Variants in SLC22A9 observed in about 807,000 individuals in gnomAD.
SLC22A9 encodes organic anion transporter 7.
Under a neutral mutation model 50.1 loss-of-function variants are expected in SLC22A9, and 64 were observed. The observed-to-expected ratio is 1.28, with a 90% confidence interval of 1.04 to 1.57. The LOEUF (loss-of-function observed/expected upper bound fraction) is 1.57, where lower values mean the gene tolerates loss of function less well. Among genes scored for constraint, SLC22A9 ranks in the 40% most tolerant of loss-of-function variants. The pLI, the probability that SLC22A9 is intolerant of heterozygous loss-of-function variation, is 0.00. For missense variants in SLC22A9, 757 were observed against 676.1 expected (o/e 1.12, Z -1.33); for synonymous variants, 261 against 242.5 (o/e 1.08, Z -0.71).
chr11:63,374,152 G>A (rs1017614304), intron 4 of SLC22A9, 90 bp downstream of exon 4: 1 of 1,276,398 alleles, frequency 7.8e-7, no homozygotes, highest in African/African-American at 1.5e-5. Context: ...TTTGTTCTTT[G>A]TGTAAACCTG....
At chr11:63,394,188 T>G (rs1472897475) in intron 6 of SLC22A9, among the ~76,000 whole-genome samples, 1 of 152,198 alleles carries the variant, frequency 6.6e-6, no homozygotes, top group Non-Finnish European at 1.5e-5. Flanking sequence ...TAGTTAGCAA[T>G]TCCTCTAACC....
intron 6 of SLC22A9, among the ~76,000 whole-genome samples, chr11:63,400,640 G>A (rs1272227643): frequency 1.3e-5 from 2 of 152,044 alleles, no homozygotes; most frequent in African/African-American, 4.8e-5. Context: ...TAAAGGAGGT[G>A]GGAATACTTC....
intron 5 of SLC22A9, among the ~76,000 whole-genome samples, chr11:63,376,480 G>A (rs1414662879): frequency 2.0e-5 from 3 of 151,676 alleles, no homozygotes; most frequent in African/African-American, 4.8e-5. Flanking sequence ...TTAAAATGTG[G>A]TATGCACAAA....
At chr11:63,394,734 G>A (rs1002179218) in intron 6 of SLC22A9, among the ~76,000 whole-genome samples, 2 of 152,156 alleles carry the variant, frequency 1.3e-5, no homozygotes, top group African/African-American at 2.4e-5. Context: ...GAATTTCACA[G>A]GAGTTCTTTG....
chr11:63,379,833 G>A (rs1307773847), intron 5 of SLC22A9, among the ~76,000 whole-genome samples: 1 of 152,136 alleles, frequency 6.6e-6, no homozygotes, highest in East Asian at 1.9e-4. Flanking sequence ...CAGGGTTCAA[G>A]CGATTCTCCT....
chr11:63,399,616 A>G (rs1449754406), intron 6 of SLC22A9, among the ~76,000 whole-genome samples: 1 of 152,202 alleles, frequency 6.6e-6, no homozygotes, highest in Non-Finnish European at 1.5e-5. Context: ...TTCAACAACC[A>G]ACATTCTGCA....
At chr11:63,389,182 T>TA (rs1361026857) in intron 6 of SLC22A9, among the ~76,000 whole-genome samples, 1 of 152,126 alleles carries the variant, frequency 6.6e-6, no homozygotes, top group African/African-American at 2.4e-5. Context: ...ATTTTTTTTT[T>TA]ATTTTAAGTT....
At chr11:63,373,576 C>A in intron 2 of SLC22A9, 68 bp from the exon 3 acceptor site, 1 of 1,420,240 alleles carries the variant, frequency 7.0e-7, no homozygotes, top group Non-Finnish European at 9.3e-7. Flanking sequence ...CAAAGTGTGC[C>A]TTCTCTTTGC....
intron 6 of SLC22A9, among the ~76,000 whole-genome samples, chr11:63,401,084 A>G (rs2014944943): frequency 6.6e-6 from 1 of 152,096 alleles, no homozygotes; most frequent in Non-Finnish European, 1.5e-5. Context: ...TTCTTCTAAG[A>G]TCATGTAGAA....
intron 6 of SLC22A9, among the ~76,000 whole-genome samples, chr11:63,391,129 C>A (rs1204205744): frequency 2.6e-5 from 4 of 152,028 alleles, no homozygotes; most frequent in African/African-American, 9.7e-5. Flanking sequence ...ATATGATTTT[C>A]AAAATTCCTC....
intron 6 of SLC22A9, among the ~76,000 whole-genome samples, chr11:63,384,115 G>T (rs2119916424): frequency 6.6e-6 from 1 of 151,982 alleles, no homozygotes; most frequent in South Asian, 2.1e-4. Flanking sequence ...TATTTCAAAT[G>T]ACCAAAATAA....
chr11:63,409,670 G>C (rs1591031397), intron 9 of SLC22A9, 132 bp from the exon 10 acceptor site: 2 of 848,720 alleles, frequency 2.4e-6, no homozygotes, highest in East Asian at 5.7e-5. Flanking sequence ...AATCCCTTGG[G>C]GGCAGAGATA....
At chr11:63,399,496 G>T (rs1005793964) in intron 6 of SLC22A9, among the ~76,000 whole-genome samples, 3 of 152,058 alleles carry the variant, frequency 2.0e-5, no homozygotes, top group Non-Finnish European at 4.4e-5. Context: ...TCAGTAAGAA[G>T]ATATAAAAAC....
chr11:63,381,875 A>G (rs547079492), intron 5 of SLC22A9, among the ~76,000 whole-genome samples: 1 of 152,278 alleles, frequency 6.6e-6, no homozygotes, highest in African/African-American at 2.4e-5. Context: ...TTCGGTCCCC[A>G]TCATGGTCTG....
chr11:63,401,994 A>G (rs772484946), intron 6 of SLC22A9, among the ~76,000 whole-genome samples: 6 of 151,968 alleles, frequency 3.9e-5, no homozygotes, highest in Non-Finnish European at 5.9e-5. Flanking sequence ...TGAGTCCCAC[A>G]TAGAGTCCAA....
chr11:63,378,871 C>A (rs1308270790), intron 5 of SLC22A9, among the ~76,000 whole-genome samples: 1 of 151,892 alleles, frequency 6.6e-6, no homozygotes, highest in Non-Finnish European at 1.5e-5. Flanking sequence ...GCAGAGATGA[C>A]CACAAACAAA....
chr11:63,373,193 A>G (rs2014395962), intron 2 of SLC22A9, among the ~76,000 whole-genome samples: 1 of 130,760 alleles, frequency 7.6e-6, no homozygotes, highest in African/African-American at 3.0e-5. Flanking sequence ...TGTTCTATGG[A>G]TGTTCCTTTC....
At chr11:63,408,546 T>C (rs1309225877) in intron 8 of SLC22A9, 130 bp from the exon 9 acceptor site, 1 of 830,686 alleles carries the variant, frequency 1.2e-6, no homozygotes, top group African/African-American at 1.7e-5. Context: ...AGTGAAAATT[T>C]CAAACACAGG....
intron 6 of SLC22A9, among the ~76,000 whole-genome samples, chr11:63,400,675 T>C (rs2014937537): frequency 6.6e-6 from 1 of 152,050 alleles, no homozygotes; most frequent in Admixed American, 6.6e-5. Context: ...AAGGCCAGCA[T>C]TACCCTGATG....
Sources: allele counts gnomAD v4.1 joint callset (sites outside exome capture counted in the v4.1 genomes callset), GRCh38; gene constraint gnomAD v4.1.1; transcripts MANE v1.5; gene names NCBI Gene and HGNC (gene_info 2026-07-23, HGNC 2026-07-21).